Variants in PAPPA observed in about 807,000 individuals in gnomAD.
PAPPA encodes the protein pappalysin 1, also known as pappalysin-1.
Under a neutral mutation model 164.0 loss-of-function variants are expected in PAPPA, and 60 were observed. The observed-to-expected ratio is 0.37, with a 90% confidence interval of 0.30 to 0.45. The LOEUF (loss-of-function observed/expected upper bound fraction) is 0.45. Among genes scored for constraint, PAPPA ranks in the 20% least tolerant of loss-of-function variants. The pLI is 1.00. For missense variants in PAPPA, 1,782 were observed against 2,087.3 expected, an observed-to-expected ratio of 0.85 and a Z score of 2.85; for synonymous variants, 875 against 814.1, an observed-to-expected ratio of 1.07 and a Z score of -1.27.
chr9:116,245,148 A>G (rs1844781827), intron 7 of PAPPA, among the ~76,000 whole-genome samples: 1 of 151,254 alleles, frequency 6.6e-6, no homozygotes. Context: ...GACAATATGG[A>G]CACTCAGAAG....
chr9:116,286,464 C>G (rs1845340556), intron 9 of PAPPA: 1 of 152,152 alleles, frequency 6.6e-6, no homozygotes, highest in Non-Finnish European at 1.5e-5. Flanking sequence ...GTAAATAACA[C>G]TGCTTTAAGG....
intron 2 of PAPPA, among the ~76,000 whole-genome samples, chr9:116,200,025 G>A (rs570643819): frequency 6.6e-6 from 1 of 152,182 alleles, no homozygotes; most frequent in Admixed American, 6.5e-5. Flanking sequence ...CCTTCCACTA[G>A]GCTCCACCCC....
chr9:116,314,817 C>A (rs1329643425), intron 10 of PAPPA, among the ~76,000 whole-genome samples: 2 of 152,222 alleles, frequency 1.3e-5, no homozygotes, highest in African/African-American at 2.4e-5. Context: ...CCTCCCCTGA[C>A]AACCTCAGCC....
Position 116,154,412 on chromosome 9 carries a change from G to A in PAPPA, c.240G>A (p.Gln80=). 8.3e-7 allele frequency: 1 copy of A among 1,205,402 alleles called. No individual in the cohort carries two copies. Among genetic ancestry groups the A allele is most frequent in the Non-Finnish European group, 1.0e-6 (1 of 954,410 alleles). 74.7% of individuals were successfully genotyped at this position (1,205,402 alleles called of 1,614,324 possible). A position where few individuals can be genotyped will look rare whatever the true frequency, so the allele number is the denominator to read the frequency against. The change falls in exon 1 of 22, where the codon CAG becomes CAA. Residue 80 remains glutamine, a synonymous_variant. Coordinates refer to ENST00000328252, the MANE Select transcript of PAPPA (RefSeq NM_002581.5). This position sits in a 1 kb window ranked among gnomAD's most constrained non-coding sequence, Gnocchi z 5.2. ...EAVRVPRRRQ[Q]REARGATEEP... ...TGCGCGTCCCCCGGCGGCGGCAGCA[G>A]CGGGAGGCGAGGGGCGCCACCGAGG...
chr9:116,271,801 T>C lies in PAPPA; in HGVS notation c.2953+385T>C, dbSNP rs932036827. Among the ~76,000 whole-genome samples the C allele has an allele frequency of 6.6e-6, 1 of 152,068 alleles. No homozygotes were observed. Among genetic ancestry groups the C allele is most frequent in the Non-Finnish European group, 1.5e-5 (1 of 68,012 alleles). ...AAGAAAAAATCAAACGCCAGAAAAA[T>C]TTCAAAAGTTGTCCAGAGTTATACA... On this transcript the variant is annotated intron_variant, in intron 9 of 21. Coordinates refer to ENST00000328252, the MANE Select transcript of PAPPA (RefSeq NM_002581.5). This position sits in a 1 kb window ranked among gnomAD's most constrained non-coding sequence, Gnocchi z 4.2.
rs573672647 is a variant in PAPPA at position 116,271,731 on chromosome 9, G to A, written c.2953+315G>A. On this transcript the variant is annotated intron_variant, in intron 9 of 21. Coordinates refer to ENST00000328252, the MANE Select transcript of PAPPA (RefSeq NM_002581.5). The surrounding 1 kb of genome is among the most constrained non-coding windows in gnomAD (Gnocchi z 4.2). ...TCTTCACACTAACTGTCCAGGATGG[G>A]TATTACTGGAGATGTTTTAAGGCTT... Among the ~76,000 whole-genome samples, 218 of 152,186 alleles carry A rather than the reference G, an allele frequency of 1.4e-3. 1 individual carries two copies. The highest frequency in any genetic ancestry group is 2.3e-3 in the Admixed American group (35 of 15,296).
chr9:116,208,100 C>T (rs1844259472), intron 3 of PAPPA, among the ~76,000 whole-genome samples: 1 of 152,184 alleles, frequency 6.6e-6, no homozygotes, highest in Non-Finnish European at 1.5e-5. Context: ...TTCCACCCAC[C>T]AACACCAACA....
intron 8 of PAPPA, among the ~76,000 whole-genome samples, chr9:116,268,426 C>T (rs867956483): frequency 3.9e-5 from 6 of 152,158 alleles, no homozygotes; most frequent in South Asian, 2.1e-4. Context: ...GAAAGTACCC[C>T]ATCATTTGTG....
intron 7 of PAPPA, among the ~76,000 whole-genome samples, chr9:116,251,839 T>G (rs1326725958): frequency 6.6e-6 from 1 of 152,224 alleles, no homozygotes; most frequent in East Asian, 1.9e-4. Flanking sequence ...GGTGTGGAGT[T>G]TCCTCCAAAC....
intron 12 of PAPPA, 89 bp downstream of exon 12, chr9:116,332,557 G>T: frequency 8.4e-7 from 1 of 1,185,260 alleles, no homozygotes. Context: ...CTTAGAATGA[G>T]CTCTTCCTTC....
intron 19 of PAPPA, among the ~76,000 whole-genome samples, chr9:116,374,458 C>T (rs553299645): frequency 1.3e-5 from 2 of 152,204 alleles, no homozygotes; most frequent in African/African-American, 4.8e-5. Context: ...CACTGCCTGT[C>T]CCCTTTCCCA....
chr9:116,271,185 G>T lies in PAPPA; in HGVS notation c.2862-140G>T. The T allele has an allele frequency of 1.6e-6, 1 of 633,658 alleles. No homozygotes were observed. Among genetic ancestry groups the T allele is most frequent in the Non-Finnish European group, 2.8e-6 (1 of 352,472 alleles). The allele number at this position is 633,658 out of a possible 1,614,324, so 39.3% of individuals were successfully genotyped here. A position where few individuals can be genotyped will look rare whatever the true frequency, so the allele number is the denominator to read the frequency against. Reference sequence around the variant, plus strand: ...CTTTTAGAAATCTCATTTTGAAGATGAAGAAGCAGAGACTCAGACAGAGAA... The same window carrying T: ...CTTTTAGAAATCTCATTTTGAAGATTAAGAAGCAGAGACTCAGACAGAGAA... On this transcript the variant is annotated intron_variant, in intron 8 of 21. Coordinates refer to ENST00000328252, the MANE Select transcript of PAPPA (RefSeq NM_002581.5). This position sits in a 1 kb window ranked among gnomAD's most constrained non-coding sequence, Gnocchi z 4.2.
intron 1 of PAPPA, among the ~76,000 whole-genome samples, chr9:116,156,080 A>G (rs898089140): frequency 1.3e-5 from 2 of 151,546 alleles, no homozygotes; most frequent in Non-Finnish European, 2.9e-5. Flanking sequence ...AAACATGTGA[A>G]AAAGCAAAGA....
chr9:116,198,785 C>T (rs1349100594), intron 2 of PAPPA, among the ~76,000 whole-genome samples: 1 of 152,160 alleles, frequency 6.6e-6, no homozygotes, highest in African/African-American at 2.4e-5. Flanking sequence ...AGAAAAATAG[C>T]AGCTGTGTAG....
intron 9 of PAPPA, among the ~76,000 whole-genome samples, chr9:116,297,315 G>A (rs905797745): frequency 6.6e-6 from 1 of 152,180 alleles, no homozygotes; most frequent in Non-Finnish European, 1.5e-5. Context: ...ATTGACTTCA[G>A]TTAGCTTTTA....
intron 20 of PAPPA, among the ~76,000 whole-genome samples, chr9:116,381,387 T>C (rs539361129): frequency 6.6e-6 from 1 of 152,294 alleles, no homozygotes; most frequent in South Asian, 2.1e-4. Flanking sequence ...AACTAGACAT[T>C]GCCCATGTCC....
intron 9 of PAPPA, among the ~76,000 whole-genome samples, chr9:116,278,632 C>T (rs1039658912): frequency 6.6e-6 from 1 of 151,002 alleles, no homozygotes; most frequent in Admixed American, 6.6e-5. Flanking sequence ...ACAGATCACC[C>T]TCCATTGACA....
chr9:116,303,163 GTCC>G (rs1845601349), intron 10 of PAPPA, among the ~76,000 whole-genome samples: 1 of 152,130 alleles, frequency 6.6e-6, no homozygotes, highest in South Asian at 2.1e-4. Flanking sequence ...GGTAATGACT[GTCC>G]TCCTATTTCC....
At chr9:116,181,576 G>A (rs992129850) in intron 1 of PAPPA, among the ~76,000 whole-genome samples, 5 of 152,152 alleles carry the variant, frequency 3.3e-5, no homozygotes, top group Non-Finnish European at 7.3e-5. Context: ...CATCTTTAAT[G>A]TATGAAATTT....
Sources: allele counts gnomAD v4.1 joint callset (sites outside exome capture counted in the v4.1 genomes callset), GRCh38; gene constraint gnomAD v4.1.1; non-coding constraint Gnocchi (gnomAD v3.1); transcripts MANE v1.5; gene names NCBI Gene and HGNC (gene_info 2026-07-23, HGNC 2026-07-21).